NCKAP5: variants seen among roughly 807,000 people sequenced by gnomAD.
NCKAP5 encodes nck-associated protein 5.
A neutral mutation model predicts 167.0 loss-of-function variants in NCKAP5; 92 were observed. The ratio of observed to expected loss-of-function variants is 0.55; its 90% CI spans 0.47 to 0.66. The LOEUF (loss-of-function observed/expected upper bound fraction) is 0.66. Ranked by LOEUF, NCKAP5 falls within the 30% of genes least tolerant of loss-of-function variation. The probability of loss-of-function intolerance (pLI) is 0.00; values close to 1 mark genes in which losing one functional copy is unlikely to be tolerated. For missense variants in NCKAP5, 2,378 were observed against 2,315.0 expected, an observed-to-expected ratio of 1.03 and a Z score of -0.56; for synonymous variants, 891 against 877.4, an observed-to-expected ratio of 1.02 and a Z score of -0.27.
At chr2:133,358,197 A>T (rs1443485958) in intron 3 of NCKAP5, among the ~76,000 whole-genome samples, 3 of 152,220 alleles carry the variant, frequency 2.0e-5, no homozygotes, top group African/African-American at 7.2e-5. Flanking sequence ...CTAGACTCTA[A>T]GTATTCCCAT....
chr2:132,933,632 G>A (rs1196207073), intron 8 of NCKAP5, among the ~76,000 whole-genome samples: 1 of 152,192 alleles, frequency 6.6e-6, no homozygotes, highest in Non-Finnish European at 1.5e-5. Context: ...CAATTTGGCT[G>A]TGATCCCAAT....
chr2:133,667,166 C>T, the NCKAP5 span, among the ~76,000 whole-genome samples: 1 of 152,026 alleles, frequency 6.6e-6, no homozygotes, highest in African/African-American at 2.4e-5. Context: ...CTAATACCTG[C>T]TTCTCTTTGA....
At chr2:133,053,449 A>G (rs1346676518) in intron 6 of NCKAP5, among the ~76,000 whole-genome samples, 1 of 151,990 alleles carries the variant, frequency 6.6e-6, no homozygotes, top group East Asian at 1.9e-4. Flanking sequence ...CCTAATCACA[A>G]CTCTACTTCC....
At chr2:133,383,466 G>C (rs1377436504) in intron 3 of NCKAP5, among the ~76,000 whole-genome samples, 2 of 151,956 alleles carry the variant, frequency 1.3e-5, no homozygotes, top group African/African-American at 4.8e-5. Context: ...GTCTATCATT[G>C]TTGGACATTT....
At chr2:133,097,000 C>T (rs1453810025) in intron 6 of NCKAP5, among the ~76,000 whole-genome samples, 1 of 152,172 alleles carries the variant, frequency 6.6e-6, no homozygotes, top group East Asian at 1.9e-4. Flanking sequence ...AAGTTCTTTT[C>T]TTCCTCTGCA....
At chr2:133,597,673 C>CAA in the NCKAP5 span, among the ~76,000 whole-genome samples, 2,842 of 60,896 alleles carry the variant, frequency 0.047, 127 homozygotes, top group East Asian at 0.13. Context: ...GACTCTGTCT[C>CAA]AAAAAAAAAA....
At chr2:132,998,828 CTGG>C (rs977740208) in intron 6 of NCKAP5, among the ~76,000 whole-genome samples, 20 of 152,166 alleles carry the variant, frequency 1.3e-4, no homozygotes, top group African/African-American at 4.6e-4. Context: ...CCCTCTCCCT[CTGG>C]TTCAGGCTTG....
chr2:132,788,885 T>C (rs992316098), intron 13 of NCKAP5, among the ~76,000 whole-genome samples: 1 of 152,160 alleles, frequency 6.6e-6, no homozygotes, highest in African/African-American at 2.4e-5. Context: ...GTTTCTTAAG[T>C]AATACACATT....
At chr2:133,309,042 T>C (rs1574663321) in intron 3 of NCKAP5, among the ~76,000 whole-genome samples, 1 of 152,114 alleles carries the variant, frequency 6.6e-6, no homozygotes, top group East Asian at 1.9e-4. Context: ...TTGTAAAGAA[T>C]ATATAATAAA....
At chr2:132,996,753 A>C (rs1203890949) in intron 6 of NCKAP5, among the ~76,000 whole-genome samples, 9 of 152,344 alleles carry the variant, frequency 5.9e-5, no homozygotes. Flanking sequence ...TATTGTATGA[A>C]TCCTTTGCTA....
intron 4 of NCKAP5, among the ~76,000 whole-genome samples, chr2:133,246,519 C>T (rs936493977): frequency 6.6e-6 from 1 of 152,176 alleles, no homozygotes; most frequent in African/African-American, 2.4e-5. Flanking sequence ...GCTGATGCTG[C>T]CGCCAATTGC....
At chr2:132,841,929 A>G (rs1297263474) in intron 11 of NCKAP5, among the ~76,000 whole-genome samples, 1 of 152,130 alleles carries the variant, frequency 6.6e-6, no homozygotes, top group Non-Finnish European at 1.5e-5. Flanking sequence ...TTTAGAATGT[A>G]TCTTAACTCA....
intron 3 of NCKAP5, among the ~76,000 whole-genome samples, chr2:133,367,277 A>G (rs2150894826): frequency 6.6e-6 from 1 of 152,282 alleles, no homozygotes; most frequent in South Asian, 2.1e-4. Context: ...AGCTGTTTTC[A>G]CAAAGCCACA....
chr2:133,021,428 T>C (rs2078523697), intron 6 of NCKAP5, among the ~76,000 whole-genome samples: 1 of 152,218 alleles, frequency 6.6e-6, no homozygotes. Flanking sequence ...TGGGGCTGAA[T>C]ATATGTTAGA....
In NCKAP5 at chr2:132,816,457, T is replaced by G. The variant is rs552514752; in HGVS notation, c.808-19728A>C. The stretch of plus-strand genomic sequence containing the variant: ...TGCTGGAAGCCCCTGCTTGTTTCAA[T>G]GGATTTCCTTTCCTTTCTCCACAGG... On this transcript the variant is annotated intron_variant, in intron 11 of 19. Coordinates refer to ENST00000409261, the MANE Select transcript of NCKAP5 (RefSeq NM_207363.3). Among the ~76,000 whole-genome samples the G allele has an allele frequency of 1.4e-3, 215 of 152,218 alleles. 1 individual carries two copies. The highest frequency in any genetic ancestry group is 4.9e-3 in the African/African-American group (204 of 41,564).
chr2:133,181,052 T>C (rs1328045961), intron 5 of NCKAP5, among the ~76,000 whole-genome samples: 2 of 152,038 alleles, frequency 1.3e-5, no homozygotes, highest in Non-Finnish European at 2.9e-5. Context: ...AGAAAGAACA[T>C]GGTAAGAAAA....
intron 1 of NCKAP5, among the ~76,000 whole-genome samples, chr2:133,561,465 C>T (rs544124246): frequency 6.6e-6 from 1 of 152,314 alleles, no homozygotes; most frequent in South Asian, 2.1e-4. Flanking sequence ...CATGAGGTAT[C>T]ATTTGCTTTC....
the NCKAP5 span, among the ~76,000 whole-genome samples, chr2:133,584,641 GTAATCCCAGCTACTTGGGA>G: frequency 6.6e-5 from 10 of 152,110 alleles, no homozygotes; most frequent in Non-Finnish European, 4.4e-5. Flanking sequence ...GCATACATCT[GTAATCCCAGCTACTTGGGA>G]GGCTGAGGCA....
intron 6 of NCKAP5, among the ~76,000 whole-genome samples, chr2:133,102,717 T>TGGCATTGC (rs2081556102): frequency 6.6e-6 from 1 of 150,832 alleles, no homozygotes; most frequent in African/African-American, 2.4e-5. Flanking sequence ...TGGATCATTC[T>TGGCATTGC]TAACTGACAG....
Sources: gnomAD v4.1 joint callset for allele counts (sites outside exome capture counted in the v4.1 genomes callset) on GRCh38, gnomAD v4.1.1 for gene constraint, MANE v1.5 for transcripts, NCBI Gene and HGNC (gene_info 2026-07-23, HGNC 2026-07-21) for gene names.